Variants in FAM120B observed in about 807,000 individuals in gnomAD.
The protein encoded by FAM120B is constitutive coactivator of peroxisome proliferator-activated receptor gamma.
Under a neutral mutation model 96.3 loss-of-function variants are expected in FAM120B, and 83 were observed. That is an observed-to-expected ratio of 0.86 (90% CI 0.72 to 1.03). The LOEUF is 1.03. FAM120B is among the 50% of genes least tolerant of loss of function. FAM120B has a pLI of 0.00. For missense variants in FAM120B, 1,027 were observed against 1,121.2 expected, an observed-to-expected ratio of 0.92 and a Z score of 1.20; for synonymous variants, 407 against 402.7, an observed-to-expected ratio of 1.01 and a Z score of -0.13.
At position 170,358,326 on chromosome 6, in the gene FAM120B, C is replaced by T. The variant is rs367595313; in HGVS notation, c.2283+8C>T. 35 of 1,584,312 alleles carry T rather than the reference C, an allele frequency of 2.2e-5. No individual in the cohort carries two copies. The highest frequency in any genetic ancestry group is 1.3e-4 in the South Asian group (12 of 89,000). The stretch of plus-strand genomic sequence containing the variant: ...CAGCTTGTAAATCTACAGGTACAGA[C>T]GTGACCAGTTAGTTGTCACTGCCCG... On this transcript the variant is annotated splice_region_variant and intron_variant, in intron 6 of 10. Coordinates refer to ENST00000476287, the MANE Select transcript of FAM120B (RefSeq NM_032448.3).
chr6:170,301,877 C>G (rs1366192358), upstream of FAM120B, among the ~76,000 whole-genome samples: 1 of 152,232 alleles, frequency 6.6e-6, no homozygotes, highest in Non-Finnish European at 1.5e-5. Flanking sequence ...AAGCTCTAAA[C>G]TTTCCCACCT....
intron 4 of FAM120B, among the ~76,000 whole-genome samples, chr6:170,344,733 CTTGTT>C (rs1345282143): frequency 6.6e-6 from 1 of 152,218 alleles, no homozygotes; most frequent in Non-Finnish European, 1.5e-5. Flanking sequence ...TTGCCTGCCT[CTTGTT>C]TTTCCCTTTA....
intron 3 of FAM120B, among the ~76,000 whole-genome samples, chr6:170,326,287 A>G (rs1385790067): frequency 1.3e-5 from 2 of 152,092 alleles, no homozygotes; most frequent in African/African-American, 4.8e-5. Flanking sequence ...GTGGGTGTGT[A>G]GGTCTGTGCA....
intron 9 of FAM120B, among the ~76,000 whole-genome samples, chr6:170,403,631 G>C (rs184338444): frequency 6.6e-6 from 1 of 152,136 alleles, no homozygotes; most frequent in Admixed American, 6.5e-5. Flanking sequence ...GAGAACAAAG[G>C]CTGCTCAAGT....
chr6:170,395,699 CAGAT>C, intron 9 of FAM120B, 120 bp downstream of exon 9: 1 of 686,092 alleles, frequency 1.5e-6, no homozygotes, highest in South Asian at 1.7e-5. Context: ...AGTAAATAAA[CAGAT>C]AAATATACCA....
chr6:170,325,535 T>TAA (rs5881868), intron 3 of FAM120B, among the ~76,000 whole-genome samples: 33 of 139,194 alleles, frequency 2.4e-4, no homozygotes, highest in East Asian at 6.1e-4. Flanking sequence ...GATTTACCTT[T>TAA]AAAAAAAAAA....
upstream of FAM120B, chr6:170,291,190 T>C (rs935023544): frequency 9.8e-6 from 5 of 509,578 alleles, no homozygotes; most frequent in African/African-American, 1.1e-4. Context: ...CAAAACGCAC[T>C]CATTTACATT....
At chr6:170,333,675 TG>T (rs982208515) in intron 4 of FAM120B, among the ~76,000 whole-genome samples, 3 of 152,062 alleles carry the variant, frequency 2.0e-5, no homozygotes, top group Non-Finnish European at 4.4e-5. Context: ...TAGTAGAGTC[TG>T]GGTTTCGCCT....
intron 8 of FAM120B, 89 bp downstream of exon 8, chr6:170,391,210 A>C: frequency 1.1e-6 from 1 of 884,656 alleles, no homozygotes; most frequent in South Asian, 1.4e-5. Flanking sequence ...TTCTAAGAAG[A>C]GGCTGATATA....
At chr6:170,296,779 C>A (rs1017609371) in intron 1 of FAM120B, among the ~76,000 whole-genome samples, 1 of 152,110 alleles carries the variant, frequency 6.6e-6, no homozygotes, top group African/African-American at 2.4e-5. Flanking sequence ...CCGGCCCAGG[C>A]CCCTCGGTAC....
chr6:170,366,846 A>G (rs1259853208), intron 6 of FAM120B, among the ~76,000 whole-genome samples: 4 of 152,170 alleles, frequency 2.6e-5, no homozygotes, highest in Non-Finnish European at 4.4e-5. Flanking sequence ...AGGTCAGGAC[A>G]CACACACTCA....
chr6:170,360,640 G>A (rs1788292954), intron 6 of FAM120B, among the ~76,000 whole-genome samples: 1 of 152,162 alleles, frequency 6.6e-6, no homozygotes, highest in South Asian at 2.1e-4. Flanking sequence ...TTCTAGTTCT[G>A]TTCTGTTAGA....
At chr6:170,311,002 G>T (rs186080503) in intron 1 of FAM120B, among the ~76,000 whole-genome samples, 6 of 152,338 alleles carry the variant, frequency 3.9e-5, no homozygotes, top group Non-Finnish European at 5.9e-5. Context: ...TTTCTGGGGG[G>T]ATAGAAGAGG....
chr6:170,316,094 T>G (rs1298562420), intron 1 of FAM120B, among the ~76,000 whole-genome samples: 1 of 151,140 alleles, frequency 6.6e-6, no homozygotes, highest in Non-Finnish European at 1.5e-5. Context: ...CAGTATATTC[T>G]TAAAAGATAG....
At chr6:170,338,694 C>T (rs1398397061) in intron 4 of FAM120B, among the ~76,000 whole-genome samples, 2 of 152,134 alleles carry the variant, frequency 1.3e-5, no homozygotes, top group Non-Finnish European at 1.5e-5. Flanking sequence ...TTTTATGAAT[C>T]TGGGTGATCC....
At chr6:170,357,685 G>C (rs1360837486) in intron 5 of FAM120B, among the ~76,000 whole-genome samples, 1 of 152,198 alleles carries the variant, frequency 6.6e-6, no homozygotes, top group Middle Eastern at 3.2e-3. Flanking sequence ...TCCCAAACGT[G>C]ATCAACTGTC....
intron 8 of FAM120B, among the ~76,000 whole-genome samples, chr6:170,392,856 T>C (rs1212263914): frequency 6.6e-6 from 1 of 152,236 alleles, no homozygotes; most frequent in Non-Finnish European, 1.5e-5. Context: ...GAGGGAAGGC[T>C]GCTTTTTCTA....
intron 4 of FAM120B, among the ~76,000 whole-genome samples, chr6:170,337,570 G>A (rs756845937): frequency 5.3e-5 from 8 of 152,174 alleles, no homozygotes; most frequent in Non-Finnish European, 1.0e-4. Context: ...AAAGTCCCTT[G>A]TTTTCTATTG....
chr6:170,347,727 G>T (rs2115137831), intron 4 of FAM120B, among the ~76,000 whole-genome samples: 1 of 152,132 alleles, frequency 6.6e-6, no homozygotes, highest in Middle Eastern at 3.4e-3. Context: ...TGATTCTTTT[G>T]CACATGAAAG....
Sources: gnomAD v4.1 joint callset for allele counts (sites outside exome capture counted in the v4.1 genomes callset) on GRCh38, gnomAD v4.1.1 for gene constraint, MANE v1.5 for transcripts, NCBI Gene and HGNC (gene_info 2026-07-23, HGNC 2026-07-21) for gene names.